Variants in CAMK1D observed in about 807,000 individuals in gnomAD.
The protein encoded by CAMK1D is calcium/calmodulin dependent protein kinase ID.
In CAMK1D, 9 loss-of-function variants were observed where a neutral mutation model predicts 47.7. The observed-to-expected ratio is 0.19, with a 90% CI of 0.11 to 0.33. CAMK1D has a LOEUF of 0.33. Among genes scored for constraint, CAMK1D ranks in the 10% least tolerant of loss-of-function variants. The pLI is 1.00. For synonymous variants in CAMK1D, 184 were observed against 184.9 expected (o/e 0.99, Z 0.04); for missense variants, 291 against 488.7 (o/e 0.60, Z 3.81).
chr10:12,613,056 G>A (rs45578332), intron 2 of CAMK1D, among the ~76,000 whole-genome samples: 1,550 of 152,208 alleles, frequency 0.01, 29 homozygotes, highest in Non-Finnish European at 9.0e-3. Context: ...AAAGGTAGTT[G>A]AAGCCAAAGA....
intron 1 of CAMK1D, among the ~76,000 whole-genome samples, chr10:12,486,215 G>A (rs1030811423): frequency 4.0e-5 from 6 of 150,392 alleles, no homozygotes; most frequent in African/African-American, 1.5e-4. Flanking sequence ...CTGGAGTACA[G>A]TGGCACGATC....
intron 1 of CAMK1D, among the ~76,000 whole-genome samples, chr10:12,458,870 CCTTT>C (rs891182627): frequency 2.8e-5 from 4 of 142,154 alleles, no homozygotes; most frequent in Non-Finnish European, 3.0e-5. Context: ...TTCCTTCCTT[CCTTT>C]CTTTCCTTTT....
chr10:12,385,651 C>T (rs1838470019), intron 1 of CAMK1D, among the ~76,000 whole-genome samples: 1 of 148,166 alleles, frequency 6.7e-6, no homozygotes, highest in South Asian at 2.1e-4. Context: ...TACAGTGTTT[C>T]TTGGGGAGAA....
At chr10:12,522,505 G>A (rs1474883344) in intron 1 of CAMK1D, among the ~76,000 whole-genome samples, 1 of 151,578 alleles carries the variant, frequency 6.6e-6, no homozygotes, top group African/African-American at 2.4e-5. Flanking sequence ...AGAGAGCACA[G>A]GGTTGGGGGC....
At position 12,610,686 on chromosome 10, in the gene CAMK1D, T is replaced by A. The variant is rs149108583; in HGVS notation, c.225-56050T>A. Among the ~76,000 whole-genome samples, 198 of 152,320 alleles carry A rather than the reference T, an allele frequency of 1.3e-3. 1 individual carries two copies. Among genetic ancestry groups the A allele is most frequent in the South Asian group, 9.1e-3 (44 of 4,828 alleles). On this transcript the variant is annotated intron_variant, in intron 2 of 10. Transcript: ENST00000619168. ...CTTCACAGTGGAAGGTGACTTTTCA[T>A]CTCTGGGCCACCCAGATGTGTGATC... is the stretch of plus-strand genomic sequence containing the variant.
At chr10:12,672,475 TC>T (rs1840655675) in intron 3 of CAMK1D, among the ~76,000 whole-genome samples, 1 of 151,794 alleles carries the variant, frequency 6.6e-6, no homozygotes, top group Non-Finnish European at 1.5e-5. Flanking sequence ...TTCAAGTGAG[TC>T]TCCTGCCTCA....
At chr10:12,809,842 G>T (rs767253031) in intron 6 of CAMK1D, among the ~76,000 whole-genome samples, 1 of 152,124 alleles carries the variant, frequency 6.6e-6, no homozygotes, top group South Asian at 2.1e-4. Flanking sequence ...CAACAGTACT[G>T]TAGTGTACAC....
chr10:12,577,827 C>G (rs1837538865), intron 2 of CAMK1D, among the ~76,000 whole-genome samples: 1 of 152,228 alleles, frequency 6.6e-6, no homozygotes, highest in African/African-American at 2.4e-5. Context: ...CTTCCCCACC[C>G]ACGTGGTGTC....
intron 1 of CAMK1D, among the ~76,000 whole-genome samples, chr10:12,409,570 C>T (rs1409691059): frequency 6.6e-6 from 1 of 152,206 alleles, no homozygotes; most frequent in Non-Finnish European, 1.5e-5. Context: ...AAGTTGACAC[C>T]ATCACACCTG....
At chr10:12,436,761 C>T (rs1233999812) in intron 1 of CAMK1D, among the ~76,000 whole-genome samples, 1 of 152,144 alleles carries the variant, frequency 6.6e-6, no homozygotes, top group Non-Finnish European at 1.5e-5. Flanking sequence ...CTCAGTGTGA[C>T]AGGATCTATG....
chr10:12,537,958 C>T (rs549647875), intron 1 of CAMK1D, among the ~76,000 whole-genome samples: 81 of 152,240 alleles, frequency 5.3e-4, no homozygotes, highest in Non-Finnish European at 9.4e-4. Context: ...TAATTAAGCA[C>T]GGCCAAGGCA....
intron 5 of CAMK1D, among the ~76,000 whole-genome samples, chr10:12,783,257 T>G (rs957275840): frequency 6.6e-6 from 1 of 152,168 alleles, no homozygotes; most frequent in African/African-American, 2.4e-5. Flanking sequence ...CCTCCCAAAG[T>G]GCTGGGATTA....
intron 3 of CAMK1D, among the ~76,000 whole-genome samples, chr10:12,686,267 A>T (rs150032398): frequency 7.4e-4 from 113 of 152,264 alleles, no homozygotes; most frequent in African/African-American, 2.6e-3. Context: ...CGAAGATATG[A>T]TGTTAATGAA....
intron 1 of CAMK1D, among the ~76,000 whole-genome samples, chr10:12,510,393 G>A (rs1835004496): frequency 6.6e-6 from 1 of 151,266 alleles, no homozygotes. Flanking sequence ...TCCAGCCTGG[G>A]TGACAGAGCA....
At chr10:12,561,893 C>G (rs989506407) in intron 2 of CAMK1D, among the ~76,000 whole-genome samples, 1 of 152,200 alleles carries the variant, frequency 6.6e-6, no homozygotes, top group Non-Finnish European at 1.5e-5. Context: ...TCCCATACTA[C>G]AAAACAAGGA....
intron 1 of CAMK1D, among the ~76,000 whole-genome samples, chr10:12,359,606 A>G (rs893971829): frequency 7.2e-5 from 11 of 151,930 alleles, no homozygotes; most frequent in Non-Finnish European, 1.6e-4. Flanking sequence ...CAGCCTGGGC[A>G]AGAGTGGCTT....
At chr10:12,656,645 C>G (rs2132525088) in intron 2 of CAMK1D, among the ~76,000 whole-genome samples, 1 of 152,322 alleles carries the variant, frequency 6.6e-6, no homozygotes, top group African/African-American at 2.4e-5. Context: ...ACAAAACTAG[C>G]TTACAGACTT....
At chr10:12,465,096 A>G (rs1833552370) in intron 1 of CAMK1D, among the ~76,000 whole-genome samples, 1 of 152,218 alleles carries the variant, frequency 6.6e-6, no homozygotes, top group Non-Finnish European at 1.5e-5. Flanking sequence ...CAGTTTGTGC[A>G]TTTCAGTTAT....
chr10:12,456,704 C>T (rs1289530642), intron 1 of CAMK1D: 2 of 128,800 alleles, frequency 1.6e-5, no homozygotes, highest in African/African-American at 5.8e-5. Context: ...GAGGTCAAGG[C>T]TGCAGTGAGC....
Sources: allele counts gnomAD v4.1 joint callset (sites outside exome capture counted in the v4.1 genomes callset), GRCh38; gene constraint gnomAD v4.1.1; transcripts MANE v1.5; gene names NCBI Gene and HGNC (gene_info 2026-07-23, HGNC 2026-07-21).